Variants in KCNT1 observed in about 807,000 individuals in gnomAD.
KCNT1 encodes potassium sodium-activated channel subfamily T member 1.
Under a neutral mutation model 147.8 loss-of-function variants are expected in KCNT1, and 78 were observed. The ratio of observed to expected loss-of-function variants is 0.53; its 90% CI spans 0.44 to 0.64. The LOEUF is 0.64. KCNT1 is among the 30% of genes least tolerant of loss of function. The pLI is 0.00. For synonymous variants in KCNT1, 867 were observed against 748.8 expected (o/e 1.16, Z -2.58); for missense variants, 1,419 against 1,750.3 (o/e 0.81, Z 3.38).
intron 11 of KCNT1, among the ~76,000 whole-genome samples, chr9:135,761,518 A>G (rs1293860030): frequency 6.6e-6 from 1 of 152,184 alleles, no homozygotes; most frequent in Non-Finnish European, 1.5e-5. Flanking sequence ...CTCACCTCAA[A>G]TTCTTTACCT....
rs1387990354 is a variant in KCNT1 at position 135,752,699 on chromosome 9, ATGGATGGATAGG to A, written c.435-1231_435-1220del. On this transcript the variant is annotated intron_variant, in intron 4 of 30. Transcript: ENST00000371757. The surrounding 1 kb of genome is among the most constrained non-coding windows in gnomAD (Gnocchi z 5.1). Reference sequence around the variant, plus strand: ...GGAGGGATGAGTGGATGGGTGGATAATGGATGGATAGGTGGATGCATGGTGGGTAGATGGATG... The same window carrying A: ...GGAGGGATGAGTGGATGGGTGGATAATGGATGCATGGTGGGTAGATGGATG... Among the ~76,000 whole-genome samples the A allele has an allele frequency of 6.9e-6, 1 of 145,864 alleles. No individual in the cohort carries two copies. Among genetic ancestry groups the A allele is most frequent in the Non-Finnish European group, 1.5e-5 (1 of 66,312 alleles).
intron 17 of KCNT1, 39 bp from the exon 18 acceptor site, chr9:135,770,816 GGT>G: frequency 6.6e-7 from 1 of 1,514,586 alleles, no homozygotes; most frequent in African/African-American, 1.4e-5. Flanking sequence ...GGACAGGGCG[GGT>G]GAGCGGCGGT....
chr9:135,732,024 A>AGAGAGAGAGAGAGAGAGAGAGAGAGGGG (rs1554766187), intron 2 of KCNT1, among the ~76,000 whole-genome samples: 1 of 65,084 alleles, frequency 1.5e-5, no homozygotes, highest in African/African-American at 5.4e-5. Context: ...AGAGAGAGAG[A>AGAGAGAGAGAGAGAGAGAGAGAGAGGGG]GAGAGAGAGA....
rs192246008 is a variant in KCNT1 at position 135,720,150 on chromosome 9, C to G, written c.254+5430C>G. 4.5e-3 allele frequency among the ~76,000 whole-genome samples: 683 copies of G among 152,094 alleles called. 5 individuals are homozygous for G. The highest frequency in any genetic ancestry group is 0.02 in the Middle Eastern group (6 of 294). ...AATGGGTGCAGAAGGAGGGGGCAGC[C>G]CAGACCCCTCCCTGGCCCTGCTGGA... On this transcript the variant is annotated intron_variant, in intron 2 of 30. Transcript: ENST00000371757.
chr9:135,766,399 C>T (rs751696515), intron 13 of KCNT1, among the ~76,000 whole-genome samples: 12 of 151,014 alleles, frequency 7.9e-5, no homozygotes, highest in Non-Finnish European at 1.6e-4. Flanking sequence ...CTGGGGTGGA[C>T]CATTCAAGGT....
At chr9:135,746,692 A>G (rs924892988) in intron 2 of KCNT1, among the ~76,000 whole-genome samples, 1 of 152,126 alleles carries the variant, frequency 6.6e-6, no homozygotes, top group Non-Finnish European at 1.5e-5. Context: ...TTGGAGGCCT[A>G]TGACCGATGG....
At position 135,702,306 on chromosome 9, in the gene KCNT1, GGC is replaced by G. The variant is rs781519720; in HGVS notation, c.54_55del (p.Gly19ArgfsTer11). On this transcript the variant is annotated frameshift_variant, in exon 1 of 31. Coordinates refer to ENST00000371757, the MANE Select transcript of KCNT1 (RefSeq NM_020822.3). LOFTEE classifies it high-confidence loss of function. The part of the protein sequence containing the change: ...ARTPGGVCRE[A>X]RGGGYTNRTF... ...GGACCCCGGGGGGCGTCTGCCGGGA[GGC>G]GCGCGGCGGGGGCTACACCAACCGG... The G allele has an allele frequency of 6.2e-7, 1 of 1,610,342 alleles. No individual in the cohort carries two copies. Among genetic ancestry groups the G allele is most frequent in the Non-Finnish European group, 8.5e-7 (1 of 1,178,684 alleles).
chr9:135,757,484 G>A (rs1163091689), intron 9 of KCNT1, 103 bp downstream of exon 9: 5 of 1,036,676 alleles, frequency 4.8e-6, no homozygotes, highest in South Asian at 2.6e-5. Context: ...CCCCGGCCCT[G>A]GCATGACCTG....
intron 29 of KCNT1, 103 bp from the exon 30 acceptor site, chr9:135,791,694 G>A (rs1834541425): frequency 2.0e-6 from 2 of 1,002,556 alleles, no homozygotes; most frequent in Non-Finnish European, 3.1e-6. Flanking sequence ...AGGAAGGCCG[G>A]AAAGACTCAG....
chr9:135,742,112 C>T (rs1007630796), intron 2 of KCNT1, among the ~76,000 whole-genome samples: 2 of 152,224 alleles, frequency 1.3e-5, no homozygotes, highest in African/African-American at 2.4e-5. Context: ...TGGCTGCTGG[C>T]GTGGTGGAGG....
chr9:135,770,768 G>A, intron 17 of KCNT1, 89 bp from the exon 18 acceptor site: 1 of 1,263,596 alleles, frequency 7.9e-7, no homozygotes, highest in Non-Finnish European at 1.1e-6. Flanking sequence ...GCTCCGGTGG[G>A]GACTCTGGTG....
intron 2 of KCNT1, among the ~76,000 whole-genome samples, chr9:135,721,007 G>A (rs968805125): frequency 3.0e-4 from 45 of 152,252 alleles, no homozygotes; most frequent in Non-Finnish European, 2.9e-5. Context: ...ACACACGGCC[G>A]AGCCCAAGGG....
At chr9:135,707,138 T>G (rs569512146) in intron 1 of KCNT1, among the ~76,000 whole-genome samples, 5 of 150,924 alleles carry the variant, frequency 3.3e-5, no homozygotes, top group Non-Finnish European at 7.4e-5. Context: ...AAAAAAAAAT[T>G]AAAAATTAAG....
intron 2 of KCNT1, among the ~76,000 whole-genome samples, chr9:135,739,370 C>T (rs1830466498): frequency 1.3e-5 from 2 of 152,070 alleles, no homozygotes; most frequent in Middle Eastern, 3.2e-3. Context: ...AGCTGTGGCA[C>T]GCAGAGCCCC....
chr9:135,781,286 T>A (rs547726685), intron 24 of KCNT1, among the ~76,000 whole-genome samples: 1 of 152,270 alleles, frequency 6.6e-6, no homozygotes, highest in South Asian at 2.1e-4. Context: ...CTGGGGTCCA[T>A]GTGGGACAGA....
intron 2 of KCNT1, among the ~76,000 whole-genome samples, chr9:135,747,853 G>T (rs1422827777): frequency 6.6e-6 from 1 of 152,188 alleles, no homozygotes; most frequent in Non-Finnish European, 1.5e-5. Flanking sequence ...CCCAGGACTT[G>T]GCCTGAGCCT....
rs560535799 is a variant in KCNT1 at position 135,751,057 on chromosome 9, G to C, written c.434+16G>C. 1.2e-6 allele frequency: 2 copies of C among 1,603,960 alleles called. No individual in the cohort carries two copies. The highest frequency in any genetic ancestry group is 1.7e-6 in the Non-Finnish European group (2 of 1,177,346). On this transcript the variant is annotated intron_variant, in intron 4 of 30. Coordinates refer to ENST00000371757, the MANE Select transcript of KCNT1 (RefSeq NM_020822.3). Reference sequence around the variant, plus strand: ...GCATCGGATGGTGGGCCACGTGCGCGGCCGGGCGCGGGGTCCCGGGTCCCA... The same window carrying C: ...GCATCGGATGGTGGGCCACGTGCGCCGCCGGGCGCGGGGTCCCGGGTCCCA...
rs780331569 is a variant in KCNT1, at chr9:135,702,369, G to A, written c.110+1G>A. The A allele has an allele frequency of 1.9e-6, 3 of 1,609,294 alleles. No individual in the cohort carries two copies. Among genetic ancestry groups the A allele is most frequent in the East Asian group, 2.2e-5 (1 of 44,726 alleles). On this transcript the variant is annotated splice_donor_variant, in intron 1 of 30. Coordinates refer to ENST00000371757, the MANE Select transcript of KCNT1 (RefSeq NM_020822.3). LOFTEE classifies it high-confidence loss of function. ...TTGACGACGGCCAATGCGCCCCCAG[G>A]TACAGTCTGCTGCGCCCTCCCCACG... is the stretch of plus-strand genomic sequence containing the variant.
chr9:135,762,407 C>T (rs1305747349), intron 11 of KCNT1, among the ~76,000 whole-genome samples: 5 of 152,046 alleles, frequency 3.3e-5, no homozygotes, highest in East Asian at 3.9e-4. Flanking sequence ...ATCTCGCCAT[C>T]GCACTCTAGC....
Sources: allele counts gnomAD v4.1 joint callset (sites outside exome capture counted in the v4.1 genomes callset), GRCh38; gene constraint gnomAD v4.1.1; non-coding constraint Gnocchi (gnomAD v3.1); transcripts MANE v1.5; gene names NCBI Gene and HGNC (gene_info 2026-07-23, HGNC 2026-07-21).